EPHB2: variants seen among roughly 807,000 people sequenced by gnomAD.
The protein encoded by EPHB2 is ephrin type-B receptor 2.
A neutral mutation model predicts 96.4 loss-of-function variants in EPHB2; 18 were observed. The observed-to-expected ratio is 0.19, with a 90% CI of 0.13 to 0.28. EPHB2 has a LOEUF of 0.28. EPHB2 is among the 10% of genes least tolerant of loss of function. The pLI is 1.00. For missense variants in EPHB2, 989 were observed against 1,355.4 expected, an observed-to-expected ratio of 0.73 and a Z score of 4.25; for synonymous variants, 506 against 534.1, an observed-to-expected ratio of 0.95 and a Z score of 0.72.
At chr1:22,877,042 G>A (rs906013563) in intron 5 of EPHB2, among the ~76,000 whole-genome samples, 4 of 152,186 alleles carry the variant, frequency 2.6e-5, no homozygotes, top group Non-Finnish European at 5.9e-5. Context: ...GTGAGTCAGC[G>A]GGAACCAGGC....
At chr1:22,721,322 C>T (rs757913727) in intron 1 of EPHB2, among the ~76,000 whole-genome samples, 8 of 152,166 alleles carry the variant, frequency 5.3e-5, no homozygotes, top group Non-Finnish European at 1.0e-4. Context: ...TCAAAGTTGA[C>T]GCATTAAACC....
chr1:22,770,933 C>T (rs1005718112), intron 1 of EPHB2, among the ~76,000 whole-genome samples: 14 of 152,198 alleles, frequency 9.2e-5, no homozygotes, highest in South Asian at 6.2e-4. Flanking sequence ...AATCAATTAT[C>T]GCATGGGGCA....
At position 22,733,218 on chromosome 1, in the gene EPHB2, TTTGTATTTTTAG is replaced by T. The variant is rs1330121855; in HGVS notation, c.61+22177_61+22188del. Among the ~76,000 whole-genome samples the T allele has an allele frequency of 1.3e-5, 2 of 152,102 alleles. No individual in the cohort carries two copies. The highest frequency in any genetic ancestry group is 2.9e-5 in the Non-Finnish European group (2 of 68,018). On this transcript the variant is annotated intron_variant, in intron 1 of 15. Transcript: ENST00000374630. This position sits in a 1 kb window ranked among gnomAD's most constrained non-coding sequence, Gnocchi z 4.6. ...TGCCTGCCACCACGCCTGGCTGATT[TTTGTATTTTTAG>T]TAGAGACGGGGTTTCACCGTGTTGG... is the stretch of plus-strand genomic sequence containing the variant.
chr1:22,916,831 G>T lies in EPHB2; in HGVS notation c.*3261G>T, dbSNP rs1640283259. 6.6e-6 allele frequency: 1 copy of T among 152,358 alleles called. No homozygotes were observed. Among genetic ancestry groups the T allele is most frequent in the Non-Finnish European group, 1.5e-5 (1 of 68,188 alleles). The allele number at this position is 152,358 out of a possible 1,614,324, so 9.4% of individuals were successfully genotyped here. Reference sequence around the variant, plus strand: ...CAGCTGCTCTGGGAGGGTGCAGCTAGCAGAGCTGTGCAGCGCCAGGCTGGG... The same window carrying T: ...CAGCTGCTCTGGGAGGGTGCAGCTATCAGAGCTGTGCAGCGCCAGGCTGGG... On this transcript the variant is annotated 3_prime_UTR_variant, in exon 16 of 16. Transcript: ENST00000374630. This position sits in a 1 kb window ranked among gnomAD's most constrained non-coding sequence, Gnocchi z 4.2.
chr1:22,858,694 C>T lies in EPHB2; in HGVS notation c.812-4343C>T, dbSNP rs1010840148. On this transcript the variant is annotated intron_variant, in intron 3 of 15. Coordinates refer to ENST00000374630, the MANE Select transcript of EPHB2 (RefSeq NM_017449.5). The surrounding 1 kb of genome is among the most constrained non-coding windows in gnomAD (Gnocchi z 7.7). ...CCCGGGCACTGTGGGCAGTGGCCAC[C>T]CAGACCTCTCAGAGGTAGCTGATGG... Among the ~76,000 whole-genome samples the T allele has an allele frequency of 3.3e-5, 5 of 152,262 alleles. No homozygotes were observed. Among genetic ancestry groups the T allele is most frequent in the Non-Finnish European group, 7.4e-5 (5 of 68,020 alleles).
chr1:22,783,643 T>C (rs1310426004), intron 2 of EPHB2, among the ~76,000 whole-genome samples: 3 of 152,170 alleles, frequency 2.0e-5, no homozygotes, highest in African/African-American at 7.2e-5. Context: ...TGTGAGGAGA[T>C]AACCCGGGCC....
intron 3 of EPHB2, among the ~76,000 whole-genome samples, chr1:22,849,697 A>G (rs1290426300): frequency 6.6e-6 from 1 of 152,244 alleles, no homozygotes; most frequent in Non-Finnish European, 1.5e-5. Flanking sequence ...TTCGAGCCCT[A>G]AAAGACTCTA....
chr1:22,725,455 A>T (rs1412857441), intron 1 of EPHB2, among the ~76,000 whole-genome samples: 2 of 152,042 alleles, frequency 1.3e-5, no homozygotes, highest in Non-Finnish European at 2.9e-5. Flanking sequence ...AAATCGATGA[A>T]ATCAATGGAT....
intron 9 of EPHB2, among the ~76,000 whole-genome samples, chr1:22,904,522 C>T (rs1250603802): frequency 6.6e-6 from 1 of 152,118 alleles, no homozygotes; most frequent in Non-Finnish European, 1.5e-5. Flanking sequence ...CTCACAGACC[C>T]AAATTAAGAA....
At chr1:22,719,878 G>C (rs558524657) in intron 1 of EPHB2, among the ~76,000 whole-genome samples, 1 of 152,252 alleles carries the variant, frequency 6.6e-6, no homozygotes, top group South Asian at 2.1e-4. Context: ...AAAACCTACT[G>C]GCTTAAAACA....
At chr1:22,756,820 A>T (rs1489234204) in intron 1 of EPHB2, among the ~76,000 whole-genome samples, 1 of 152,210 alleles carries the variant, frequency 6.6e-6, no homozygotes, top group African/African-American at 2.4e-5. Flanking sequence ...GAGGCTGTAG[A>T]CAGAACATGC....
At chr1:22,795,368 G>T (rs926547012) in intron 3 of EPHB2, among the ~76,000 whole-genome samples, 1 of 152,140 alleles carries the variant, frequency 6.6e-6, no homozygotes, top group African/African-American at 2.4e-5. Context: ...GCTCGCCCAG[G>T]CTCACTCACC....
At chr1:22,756,908 A>G (rs1450331005) in intron 1 of EPHB2, among the ~76,000 whole-genome samples, 1 of 152,180 alleles carries the variant, frequency 6.6e-6, no homozygotes, top group African/African-American at 2.4e-5. Context: ...GTATGATTCC[A>G]TTTGCAACTT....
At chr1:22,763,093 C>T (rs1307907327) in intron 1 of EPHB2, among the ~76,000 whole-genome samples, 1 of 152,130 alleles carries the variant, frequency 6.6e-6, no homozygotes, top group African/African-American at 2.4e-5. Flanking sequence ...GGGTTCCCTG[C>T]CAGGATCTGA....
chr1:22,756,340 T>G (rs898052750), intron 1 of EPHB2, among the ~76,000 whole-genome samples: 2 of 151,830 alleles, frequency 1.3e-5, no homozygotes, highest in African/African-American at 4.8e-5. Context: ...GAAGCTCCAC[T>G]GGGCGGCTGG....
At position 22,908,117 on chromosome 1, in the gene EPHB2, C is replaced by T; in HGVS notation, c.2301C>T (p.Leu767=). 1 of 1,614,260 alleles carries T rather than the reference C, an allele frequency of 6.2e-7. No individual in the cohort carries two copies. The highest frequency in any genetic ancestry group is 8.5e-7 in the Non-Finnish European group (1 of 1,180,050). The change falls in exon 12 of 16, where the codon CTC becomes CTT. Residue 767 remains leucine (L), a synonymous_variant. Coordinates refer to ENST00000374630, the MANE Select transcript of EPHB2 (RefSeq NM_017449.5). ...TCTGCAAGGTGTCGGACTTTGGGCT[C>T]TCACGCTTTCTAGAGGACGATACCT... The part of the protein sequence containing the change: ...NLVCKVSDFG[L]SRFLEDDTSD...
chr1:22,763,181 T>C (rs1222597031), intron 1 of EPHB2, among the ~76,000 whole-genome samples: 1 of 152,188 alleles, frequency 6.6e-6, no homozygotes, highest in African/African-American at 2.4e-5. Context: ...GAACCTGGGC[T>C]ACATCCTGCG....
At chr1:22,903,079 C>T (rs990300128) in intron 9 of EPHB2, among the ~76,000 whole-genome samples, 2 of 152,216 alleles carry the variant, frequency 1.3e-5, no homozygotes, top group African/African-American at 2.4e-5. Flanking sequence ...GGCCAATCCA[C>T]GGAGAGCTGG....
At position 22,733,742 on chromosome 1, in the gene EPHB2, C is replaced by G. The variant is rs1018030872; in HGVS notation, c.61+22699C>G. Reference sequence around the variant, plus strand: ...ATTCTCTAAGTCCAAAGCCCATGCTCATGACACGCTACTACATCAGGCTGG... The same window carrying G: ...ATTCTCTAAGTCCAAAGCCCATGCTGATGACACGCTACTACATCAGGCTGG... On this transcript the variant is annotated intron_variant, in intron 1 of 15. Coordinates refer to ENST00000374630, the MANE Select transcript of EPHB2 (RefSeq NM_017449.5). The surrounding 1 kb of genome is among the most constrained non-coding windows in gnomAD (Gnocchi z 4.6). Among the ~76,000 whole-genome samples, 1 of 152,202 alleles carries G rather than the reference C, an allele frequency of 6.6e-6. No homozygotes were observed. The highest frequency in any genetic ancestry group is 2.4e-5 in the African/African-American group (1 of 41,466).
Sources: gnomAD v4.1 joint callset for allele counts (sites outside exome capture counted in the v4.1 genomes callset) on GRCh38, gnomAD v4.1.1 for gene constraint, Gnocchi (gnomAD v3.1) non-coding constraint, MANE v1.5 for transcripts, NCBI Gene and HGNC (gene_info 2026-07-23, HGNC 2026-07-21) for gene names.